NRXN3: variants seen among roughly 807,000 people sequenced by gnomAD.
NRXN3 encodes neurexin 3, also known as neurexin III.
Under a neutral mutation model 137.6 loss-of-function variants are expected in NRXN3, and 32 were observed. That is an observed-to-expected ratio of 0.23 (90% CI 0.18 to 0.31). The LOEUF is 0.31. NRXN3 is among the 10% of genes least tolerant of loss of function. The probability of loss-of-function intolerance (pLI) is 1.00; values close to 1 mark genes in which losing one functional copy is unlikely to be tolerated. For missense variants in NRXN3, 1,574 were observed against 2,062.5 expected (o/e 0.76, Z 4.59); for synonymous variants, 798 against 784.5 (o/e 1.02, Z -0.29).
At chr14:78,768,900 T>C (rs1198674232) in intron 8 of NRXN3, among the ~76,000 whole-genome samples, 7 of 152,120 alleles carry the variant, frequency 4.6e-5, no homozygotes, top group African/African-American at 9.6e-5. Context: ...CCAAACCCCA[T>C]GTTTTAAGGT....
chr14:78,997,862 T>A (rs945427036), intron 15 of NRXN3, among the ~76,000 whole-genome samples: 6 of 152,238 alleles, frequency 3.9e-5, no homozygotes, highest in African/African-American at 1.2e-4. Flanking sequence ...TATTTTTGTC[T>A]CTTCTGGAGT....
intron 15 of NRXN3, chr14:79,279,489 C>A (rs943277612): frequency 3.0e-6 from 3 of 986,230 alleles, no homozygotes; most frequent in African/African-American, 3.5e-5. Flanking sequence ...TCGCTGATTT[C>A]GCCCACCCAC....
intron 20 of NRXN3, among the ~76,000 whole-genome samples, chr14:79,824,831 A>C (rs1361248176): frequency 1.3e-5 from 2 of 152,232 alleles, no homozygotes; most frequent in Non-Finnish European, 2.9e-5. Context: ...CTGTATCATC[A>C]TATGTAAAAT....
chr14:79,576,171 G>C lies in NRXN3; in HGVS notation c.3445-87607G>C, dbSNP rs537240086. Reference sequence around the variant, plus strand: ...ATAGGAGCAGAAATAAATTAAAAATGCTTTTTCCCAGAAGCCCCAAGGATG... The same window carrying C: ...ATAGGAGCAGAAATAAATTAAAAATCCTTTTTCCCAGAAGCCCCAAGGATG... On this transcript the variant is annotated intron_variant, in intron 16 of 20. Transcript: ENST00000335750. 9.9e-5 allele frequency among the ~76,000 whole-genome samples: 15 copies of C among 152,276 alleles called. 1 individual carries two copies. The South Asian group carries it at 2.9e-3, about 29-fold the overall frequency.
chr14:79,349,585 CACAG>C (rs527959549), intron 15 of NRXN3, among the ~76,000 whole-genome samples: 2 of 129,506 alleles, frequency 1.5e-5, no homozygotes, highest in Admixed American at 8.3e-5. Flanking sequence ...CACACACACA[CACAG>C]ACAATATTAT....
chr14:78,916,988 C>CTAGG (rs2099256980), intron 10 of NRXN3, among the ~76,000 whole-genome samples: 1 of 152,150 alleles, frequency 6.6e-6, no homozygotes, highest in Admixed American at 6.5e-5. Flanking sequence ...TCATATTGGA[C>CTAGG]TAGGGTCCGC....
At chr14:78,555,453 T>C (rs1047825572) in intron 4 of NRXN3, among the ~76,000 whole-genome samples, 1 of 152,206 alleles carries the variant, frequency 6.6e-6, no homozygotes, top group Non-Finnish European at 1.5e-5. Context: ...TATGCAAACA[T>C]GTTCATACTC....
At chr14:79,196,806 T>C (rs1413566410) in intron 15 of NRXN3, among the ~76,000 whole-genome samples, 1 of 152,204 alleles carries the variant, frequency 6.6e-6, no homozygotes. Context: ...ATGTTATTAA[T>C]TTAATTAGTT....
chr14:79,212,767 C>T (rs1051039542), intron 15 of NRXN3, among the ~76,000 whole-genome samples: 1 of 151,468 alleles, frequency 6.6e-6, no homozygotes, highest in Non-Finnish European at 1.5e-5. Context: ...TCATTGCAGG[C>T]CTTCTCAGAG....
intron 15 of NRXN3, among the ~76,000 whole-genome samples, chr14:79,097,404 G>T (rs1409125620): frequency 6.6e-6 from 1 of 152,178 alleles, no homozygotes; most frequent in African/African-American, 2.4e-5. Context: ...CTTTCCAAGG[G>T]TAAGCATGGC....
At chr14:78,884,654 C>T (rs2099138182) in intron 10 of NRXN3, among the ~76,000 whole-genome samples, 1 of 152,238 alleles carries the variant, frequency 6.6e-6, no homozygotes, top group Middle Eastern at 3.4e-3. Flanking sequence ...GACTCACACC[C>T]TGCATTATTC....
At chr14:78,182,276 T>C (rs1008322759) in intron 1 of NRXN3, among the ~76,000 whole-genome samples, 10 of 152,030 alleles carry the variant, frequency 6.6e-5, no homozygotes, top group African/African-American at 2.4e-4. Flanking sequence ...AACTGATACA[T>C]GGAAAGGTGC....
At chr14:79,835,503 C>T (rs2099338329) in intron 20 of NRXN3, among the ~76,000 whole-genome samples, 1 of 152,092 alleles carries the variant, frequency 6.6e-6, no homozygotes, top group Non-Finnish European at 1.5e-5. Context: ...AATTCAGCAT[C>T]TCATGATTTT....
intron 4 of NRXN3, among the ~76,000 whole-genome samples, chr14:78,505,591 G>T (rs372246515): frequency 6.6e-6 from 1 of 152,052 alleles, no homozygotes; most frequent in Admixed American, 6.5e-5. Flanking sequence ...ATGATAATTA[G>T]CCTGATTTAA....
At chr14:79,552,644 A>G (rs948198864) in intron 16 of NRXN3, among the ~76,000 whole-genome samples, 1 of 152,138 alleles carries the variant, frequency 6.6e-6, no homozygotes. Context: ...GACATTGCCA[A>G]TTTTAGAGAA....
chr14:79,353,168 T>C (rs2093287951), intron 15 of NRXN3, among the ~76,000 whole-genome samples: 1 of 152,012 alleles, frequency 6.6e-6, no homozygotes, highest in African/African-American at 2.4e-5. Context: ...ATAATCTCAC[T>C]TTCTGAAAAT....
intron 3 of NRXN3, among the ~76,000 whole-genome samples, chr14:78,287,735 C>T (rs758650028): frequency 7.9e-5 from 12 of 152,208 alleles, no homozygotes; most frequent in Non-Finnish European, 1.8e-4. Context: ...TCTAATTACA[C>T]TCCTAGTGTT....
intron 15 of NRXN3, among the ~76,000 whole-genome samples, chr14:79,458,194 T>C (rs993277758): frequency 1.3e-5 from 2 of 152,134 alleles, no homozygotes; most frequent in Non-Finnish European, 2.9e-5. Context: ...GATTTAGAAA[T>C]GGAGGAGTAA....
chr14:78,559,347 T>G (rs2096766699), intron 4 of NRXN3, among the ~76,000 whole-genome samples: 1 of 152,210 alleles, frequency 6.6e-6, no homozygotes. Context: ...TGTTGCTATG[T>G]TTTCATTTAG....
Sources: allele counts gnomAD v4.1 joint callset (sites outside exome capture counted in the v4.1 genomes callset), GRCh38; gene constraint gnomAD v4.1.1; transcripts MANE v1.5; gene names NCBI Gene and HGNC (gene_info 2026-07-23, HGNC 2026-07-21).